CDH23: variants seen among roughly 807,000 people sequenced by gnomAD.
CDH23 encodes cadherin related 23, also known as cadherin-23.
In CDH23, 189 loss-of-function variants were observed where a neutral mutation model predicts 317.1. The observed-to-expected ratio is 0.60, with a 90% CI of 0.53 to 0.67. The LOEUF is 0.67. Among genes scored for constraint, CDH23 ranks in the 30% least tolerant of loss-of-function variants. The pLI is 0.00. For missense variants in CDH23, 4,401 were observed against 4,592.4 expected (o/e 0.96, Z 1.20); for synonymous variants, 1,839 against 1,876.8 (o/e 0.98, Z 0.52).
At chr10:71,640,516 G>A (rs1039721035) in intron 11 of CDH23, among the ~76,000 whole-genome samples, 2 of 152,212 alleles carry the variant, frequency 1.3e-5, no homozygotes, top group African/African-American at 2.4e-5. Flanking sequence ...TTGGGAGGCC[G>A]AGGCAGGCGG....
At chr10:71,727,921 T>C (rs749762373) in intron 30 of CDH23, among the ~76,000 whole-genome samples, 19 of 152,170 alleles carry the variant, frequency 1.2e-4, no homozygotes, top group Non-Finnish European at 2.6e-4. Context: ...TGCCTCCTCC[T>C]GTCTCTGCTG....
intron 38 of CDH23, among the ~76,000 whole-genome samples, chr10:71,767,039 G>A (rs992628764): frequency 1.3e-5 from 2 of 152,244 alleles, no homozygotes; most frequent in Non-Finnish European, 2.9e-5. Context: ...GGGAGGCTGT[G>A]GGGATGCAGA....
At position 71,734,308 on chromosome 10, in the gene CDH23, A is replaced by G. The variant is rs1189743723; in HGVS notation, c.4173A>G (p.Ala1391=). ...ACTTCTATACCTTGACAGTGGTGGC[A>G]GATGACGGCGGCCCCAAGGTGGACT... ...KGDFYTLTVV[A]DDGGPKVDST... The change falls in exon 33 of 70, where the codon GCA becomes GCG. Residue 1391 remains alanine (A), a synonymous_variant. Coordinates refer to ENST00000224721, the MANE Select transcript of CDH23 (RefSeq NM_022124.6). The G allele has an allele frequency of 6.2e-7, 1 of 1,611,964 alleles. No homozygotes were observed. The highest frequency in any genetic ancestry group is 8.5e-7 in the Non-Finnish European group (1 of 1,179,068).
chr10:71,563,167 A>G (rs778145652), intron 6 of CDH23, among the ~76,000 whole-genome samples: 3 of 152,154 alleles, frequency 2.0e-5, no homozygotes, highest in Non-Finnish European at 2.9e-5. Flanking sequence ...CGACTCTGTC[A>G]TGATCCACTT....
At chr10:71,550,847 G>A (rs989603690) in intron 6 of CDH23, among the ~76,000 whole-genome samples, 6 of 152,142 alleles carry the variant, frequency 3.9e-5, no homozygotes, top group African/African-American at 7.2e-5. Context: ...AGAGAAAGAG[G>A]AGTGTCCTGG....
intron 1 of CDH23, among the ~76,000 whole-genome samples, chr10:71,427,195 G>GAGAAAGAAAGAAAGAAA (rs1849122855): frequency 1.0e-5 from 1 of 98,948 alleles, no homozygotes; most frequent in Non-Finnish European, 2.0e-5. Flanking sequence ...AGGAAGGAAA[G>GAGAAAGAAAGAAAGAAA]AGAAAGAAAG....
intron 18 of CDH23, among the ~76,000 whole-genome samples, chr10:71,687,292 G>T (rs1172335898): frequency 2.0e-5 from 3 of 152,196 alleles, no homozygotes; most frequent in South Asian, 4.1e-4. Context: ...GGGAGCTGGG[G>T]GTGTGAGTGC....
chr10:71,780,625 G>A (rs975771728), intron 41 of CDH23, among the ~76,000 whole-genome samples: 12 of 152,136 alleles, frequency 7.9e-5, no homozygotes, highest in South Asian at 2.1e-4. Context: ...AGATGTTGTC[G>A]GGCCTTGAGG....
At chr10:71,807,454 G>T (rs1327012836) in intron 58 of CDH23, 48 bp downstream of exon 58, 1 of 1,612,534 alleles carries the variant, frequency 6.2e-7, no homozygotes, top group East Asian at 2.2e-5. Context: ...GGCTAGAGAT[G>T]ACCCACATAT....
At chr10:71,398,920 C>T (rs532835019) in intron 1 of CDH23, among the ~76,000 whole-genome samples, 20 of 152,270 alleles carry the variant, frequency 1.3e-4, no homozygotes, top group African/African-American at 4.3e-4. Context: ...CATCCTGGCC[C>T]CGTCTGTGCT....
chr10:71,701,744 G>C (rs942197921), intron 22 of CDH23, among the ~76,000 whole-genome samples: 1 of 150,344 alleles, frequency 6.7e-6, no homozygotes, highest in Admixed American at 6.7e-5. Flanking sequence ...GTTTGATGAG[G>C]AGGAACCCAG....
intron 45 of CDH23, among the ~76,000 whole-genome samples, chr10:71,789,308 C>T (rs1841182504): frequency 6.6e-6 from 1 of 152,180 alleles, no homozygotes; most frequent in African/African-American, 2.4e-5. Context: ...CACCATCCCT[C>T]AAGAAGGGCA....
At chr10:71,713,089 C>G (rs1488901585) in intron 28 of CDH23, 3 of 760,904 alleles carry the variant, frequency 3.9e-6, no homozygotes, top group African/African-American at 1.7e-5. Context: ...CCCGCCCCAC[C>G]CAGAAGGGCC....
intron 11 of CDH23, among the ~76,000 whole-genome samples, chr10:71,640,733 G>A (rs751792426): frequency 1.5e-4 from 23 of 151,994 alleles, no homozygotes; most frequent in South Asian, 8.3e-4. Flanking sequence ...CAGCCTGGGC[G>A]ACCAAGCAAG....
chr10:71,615,079 C>T (rs2132513884), intron 9 of CDH23, among the ~76,000 whole-genome samples: 1 of 152,026 alleles, frequency 6.6e-6, no homozygotes, highest in African/African-American at 2.4e-5. Context: ...AGAATGTCAC[C>T]ATAAAAATAA....
rs930507667 is a variant in CDH23, at chr10:71,778,349, T to C, written c.5187+41T>C. ...ACAGCCCCAACTTGGGCTTGGAGGT[T>C]GGCGAAGGATGGGACCCAGAAAGCT... On this transcript the variant is annotated intron_variant, in intron 40 of 69. Transcript: ENST00000224721. The C allele has an allele frequency of 1.9e-6, 3 of 1,611,970 alleles. No individual in the cohort carries two copies. In the African/African-American group the frequency reaches 4.0e-5, roughly 22 times the overall value.
At chr10:71,701,981 C>A in intron 22 of CDH23, 41 bp from the exon 23 acceptor site, 2 of 1,605,040 alleles carry the variant, frequency 1.2e-6, no homozygotes, top group South Asian at 2.2e-5. Flanking sequence ...ACACCCTCCC[C>A]AGGCGCGGCT....
rs150892509 is a variant in CDH23 at position 71,701,245 on chromosome 10, G to A, written c.2398-777G>A. 5.8e-3 allele frequency among the ~76,000 whole-genome samples: 883 copies of A among 152,312 alleles called. 11 individuals carry two copies. The highest frequency in any genetic ancestry group is 0.02 in the African/African-American group (846 of 41,572). On this transcript the variant is annotated intron_variant, in intron 22 of 69. Coordinates refer to ENST00000224721, the MANE Select transcript of CDH23 (RefSeq NM_022124.6). ...GCTTTCTCCTTGTGGAAGGTAGGGC[G>A]GTTGGAGGACGAGGGAGCTTCCCCA... is the stretch of plus-strand genomic sequence containing the variant.
chr10:71,794,586 G>A (rs1841352921), intron 48 of CDH23: 1 of 152,244 alleles, frequency 6.6e-6, no homozygotes, highest in Non-Finnish European at 1.5e-5. Context: ...CCAGAGGAAT[G>A]ATAGAAGAAT....
Sources: allele counts gnomAD v4.1 joint callset (sites outside exome capture counted in the v4.1 genomes callset), GRCh38; gene constraint gnomAD v4.1.1; transcripts MANE v1.5; gene names NCBI Gene and HGNC (gene_info 2026-07-23, HGNC 2026-07-21).